The following ALMS1 variants were observed in gnomAD, a reference collection of about 807,000 sequenced individuals.
The protein encoded by ALMS1 is centrosome-associated protein ALMS1.
In ALMS1, 271 loss-of-function variants were observed where a neutral mutation model predicts 352.2. The observed-to-expected ratio is 0.77, with a 90% CI of 0.70 to 0.85. The LOEUF (loss-of-function observed/expected upper bound fraction) is 0.85. Among genes scored for constraint, ALMS1 ranks in the 40% least tolerant of loss-of-function variants. The pLI is 0.00. For missense variants in ALMS1, 5,445 were observed against 4,870.7 expected (o/e 1.12, Z -3.51); for synonymous variants, 1,865 against 1,761.2 (o/e 1.06, Z -1.48).
chr2:73,446,931 A>G (rs1046565496), intron 7 of ALMS1, among the ~76,000 whole-genome samples: 4 of 152,154 alleles, frequency 2.6e-5, no homozygotes, highest in African/African-American at 7.2e-5. Flanking sequence ...ATACGTAAAA[A>G]ATAGATAATA....
At chr2:73,486,685 A>T (rs1220109255) in intron 9 of ALMS1, among the ~76,000 whole-genome samples, 2 of 152,194 alleles carry the variant, frequency 1.3e-5, no homozygotes, top group Admixed American at 1.3e-4. Flanking sequence ...TACATCTTTC[A>T]GATTCTTCTT....
chr2:73,594,378 A>G (rs1416967186), intron 16 of ALMS1, among the ~76,000 whole-genome samples: 5 of 152,252 alleles, frequency 3.3e-5, no homozygotes, highest in Non-Finnish European at 7.3e-5. Flanking sequence ...AGAATTTGAA[A>G]TGAAAACGGA....
At chr2:73,540,643 G>A (rs1674154648) in intron 12 of ALMS1, among the ~76,000 whole-genome samples, 1 of 152,122 alleles carries the variant, frequency 6.6e-6, no homozygotes, top group Non-Finnish European at 1.5e-5. Flanking sequence ...CATGTGCAGA[G>A]TCACACATAG....
At chr2:73,421,562 T>C (rs1671285432) in intron 3 of ALMS1, among the ~76,000 whole-genome samples, 1 of 152,168 alleles carries the variant, frequency 6.6e-6, no homozygotes, top group African/African-American at 2.4e-5. Context: ...TTTTAATTAA[T>C]TCATTCAGTA....
At chr2:73,551,026 T>TG (rs962346293) in intron 13 of ALMS1, among the ~76,000 whole-genome samples, 2 of 150,694 alleles carry the variant, frequency 1.3e-5, no homozygotes, top group Non-Finnish European at 2.9e-5. Context: ...TTTATAGTGA[T>TG]GGGGGGTTTT....
At chr2:73,571,469 C>G (rs77123649) in intron 15 of ALMS1, among the ~76,000 whole-genome samples, 12,240 of 152,086 alleles carry the variant, frequency 0.08, 1,241 homozygotes, top group African/African-American at 0.23. Flanking sequence ...TTGCTTTGTC[C>G]TCACGTGGTG....
chr2:73,560,786 G>A (rs1384781049), intron 15 of ALMS1, among the ~76,000 whole-genome samples: 1 of 152,136 alleles, frequency 6.6e-6, no homozygotes, highest in Non-Finnish European at 1.5e-5. Flanking sequence ...TGAACCTCAA[G>A]AACATTATAC....
Position 73,404,980 on chromosome 2 carries a change from C to T in ALMS1, c.325-3642C>T, listed in dbSNP as rs1020651258. Among the ~76,000 whole-genome samples, 3 of 128,714 alleles carry T rather than the reference C, an allele frequency of 2.3e-5. No individual in the cohort carries two copies. The Admixed American group carries it at 2.7e-4, about 12-fold the overall frequency. The allele number at this position is 128,714 out of a possible 152,430, so 84.4% of individuals were successfully genotyped here. ...AGGCTGGAGTGCAGTGGTGCAATCT[C>T]AGCTCACTGCAACCTCTGCCCTCCA... On this transcript the variant is annotated intron_variant, in intron 1 of 22. Transcript: ENST00000613296.
At chr2:73,524,289 C>G (rs988211513) in intron 11 of ALMS1, among the ~76,000 whole-genome samples, 1 of 150,696 alleles carries the variant, frequency 6.6e-6, no homozygotes, top group Non-Finnish European at 1.5e-5. Context: ...TTTAATTTGT[C>G]TGGGTATATA....
chr2:73,530,582 G>C (rs1673887620), intron 11 of ALMS1, among the ~76,000 whole-genome samples: 1 of 152,184 alleles, frequency 6.6e-6, no homozygotes, highest in Non-Finnish European at 1.5e-5. Flanking sequence ...ACCATTCTGA[G>C]GTCTAGAGGA....
At chr2:73,457,727 A>G (rs1203804634) in intron 9 of ALMS1, among the ~76,000 whole-genome samples, 1 of 152,108 alleles carries the variant, frequency 6.6e-6, no homozygotes, top group Non-Finnish European at 1.5e-5. Context: ...ACTAAGGGCT[A>G]TGGATAAAAA....
At chr2:73,566,006 G>T (rs1325740940) in intron 15 of ALMS1, among the ~76,000 whole-genome samples, 1 of 151,990 alleles carries the variant, frequency 6.6e-6, no homozygotes, top group Non-Finnish European at 1.5e-5. Context: ...TATGGCCTTT[G>T]GTTAATAATA....
chr2:73,599,576 C>A, intron 17 of ALMS1, 55 bp downstream of exon 17: 1 of 1,560,814 alleles, frequency 6.4e-7, no homozygotes, highest in Non-Finnish European at 8.8e-7. Context: ...GGCTCTTAAA[C>A]ATGTAAGATA....
At chr2:73,482,895 G>C (rs1439046235) in intron 9 of ALMS1, among the ~76,000 whole-genome samples, 2 of 152,082 alleles carry the variant, frequency 1.3e-5, no homozygotes, top group African/African-American at 4.8e-5. Context: ...TCTGATGGTA[G>C]TTTGTATTTC....
At chr2:73,518,567 T>C (rs768672997) in intron 10 of ALMS1, among the ~76,000 whole-genome samples, 7 of 152,208 alleles carry the variant, frequency 4.6e-5, no homozygotes, top group Non-Finnish European at 7.3e-5. Flanking sequence ...GTTGAACTAA[T>C]TTACACTCCC....
At chr2:73,514,835 A>G (rs2103951408) in intron 10 of ALMS1, among the ~76,000 whole-genome samples, 1 of 152,300 alleles carries the variant, frequency 6.6e-6, no homozygotes, top group Middle Eastern at 3.4e-3. Flanking sequence ...TCAGCACTTT[A>G]AAGAGCTACT....
At chr2:73,484,431 G>C (rs908944643) in intron 9 of ALMS1, among the ~76,000 whole-genome samples, 62 of 151,556 alleles carry the variant, frequency 4.1e-4, no homozygotes, top group African/African-American at 1.5e-3. Context: ...TAGGGTTTCT[G>C]CCGAGAGATC....
chr2:73,455,262 A>G lies in ALMS1; in HGVS notation c.7641A>G (p.Leu2547=). 1 of 1,614,146 alleles carries G rather than the reference A, an allele frequency of 6.2e-7. No homozygotes were observed. Among genetic ancestry groups the G allele is most frequent in the Non-Finnish European group, 8.5e-7 (1 of 1,179,988 alleles). The change falls in exon 9 of 23, where the codon TTA becomes TTG. Residue 2547 remains leucine, a synonymous_variant. Coordinates refer to ENST00000613296, the MANE Select transcript of ALMS1 (RefSeq NM_001378454.1). ...AAGTAGAAGAGATCAAGGCAGAGTT[A>G]TTTGGTCATGGAAGAACAACTGACT... ...RRKVEEIKAE[L]FGHGRTTDLS... is the part of the protein sequence containing the mutation.
At chr2:73,529,963 C>T (rs1357808678) in intron 11 of ALMS1, among the ~76,000 whole-genome samples, 1 of 152,054 alleles carries the variant, frequency 6.6e-6, no homozygotes, top group Non-Finnish European at 1.5e-5. Flanking sequence ...AGAAACTGCC[C>T]CCATGATCCA....
Sources: gnomAD v4.1 joint callset for allele counts (sites outside exome capture counted in the v4.1 genomes callset) on GRCh38, gnomAD v4.1.1 for gene constraint, MANE v1.5 for transcripts, NCBI Gene and HGNC (gene_info 2026-07-23, HGNC 2026-07-21) for gene names.